THSD7B: variants seen among roughly 807,000 people sequenced by gnomAD.
THSD7B encodes thrombospondin type-1 domain-containing protein 7B.
THSD7B carries 138 observed loss-of-function variants against 213.6 expected under a neutral mutation model. That is an observed-to-expected ratio of 0.65 (90% CI 0.56 to 0.74). THSD7B has a LOEUF of 0.74. Ranked by LOEUF, THSD7B falls within the 30% of genes least tolerant of loss-of-function variation. The pLI, the probability that THSD7B is intolerant of heterozygous loss-of-function variation, is 0.00. For missense variants in THSD7B, 1,931 were observed against 1,991.5 expected (o/e 0.97, Z 0.58); for synonymous variants, 742 against 687.0 (o/e 1.08, Z -1.25).
chr2:136,918,419 C>T (rs1684380429), intron 2 of THSD7B, among the ~76,000 whole-genome samples: 1 of 152,198 alleles, frequency 6.6e-6, no homozygotes, highest in Non-Finnish European at 1.5e-5. Context: ...CTTGTTGAAT[C>T]ACCTTGCCAA....
chr2:137,331,661 G>A (rs187435745), intron 12 of THSD7B, among the ~76,000 whole-genome samples: 17 of 152,296 alleles, frequency 1.1e-4, no homozygotes, highest in Admixed American at 3.9e-4. Context: ...AGCAGGGGGC[G>A]GTGCTCATCG....
chr2:136,869,096 T>C (rs1487156775), intron 1 of THSD7B, among the ~76,000 whole-genome samples: 1 of 152,206 alleles, frequency 6.6e-6, no homozygotes, highest in Non-Finnish European at 1.5e-5. Flanking sequence ...TTTTATAATT[T>C]GTAAAAAAAG....
intron 7 of THSD7B, among the ~76,000 whole-genome samples, chr2:137,177,371 T>C (rs1405900364): frequency 2.6e-5 from 4 of 152,260 alleles, no homozygotes; most frequent in African/African-American, 9.6e-5. Flanking sequence ...TTGGAATAGT[T>C]CTGAAAAAGA....
chr2:137,498,485 G>C (rs1476853699), intron 15 of THSD7B, among the ~76,000 whole-genome samples: 2 of 152,086 alleles, frequency 1.3e-5, no homozygotes, highest in Non-Finnish European at 1.5e-5. Context: ...GATTTTATAT[G>C]TCTTCTTAAA....
At chr2:137,052,450 T>A (rs1049748310) in intron 2 of THSD7B, among the ~76,000 whole-genome samples, 1 of 152,132 alleles carries the variant, frequency 6.6e-6, no homozygotes, top group African/African-American at 2.4e-5. Context: ...TGGTGTCTGT[T>A]TTTTTCACTA....
At chr2:136,978,597 A>G (rs1006844363) in intron 2 of THSD7B, among the ~76,000 whole-genome samples, 11 of 152,164 alleles carry the variant, frequency 7.2e-5, no homozygotes, top group Non-Finnish European at 5.9e-5. Context: ...TTCAGAAACT[A>G]GGATTGCAAC....
chr2:137,652,340 G>A (rs1471324017), intron 21 of THSD7B, among the ~76,000 whole-genome samples: 1 of 152,012 alleles, frequency 6.6e-6, no homozygotes, highest in African/African-American at 2.4e-5. Context: ...CTGATTTGTA[G>A]ACTATTTTAG....
At chr2:136,846,190 A>G (rs1390301986) in intron 1 of THSD7B, among the ~76,000 whole-genome samples, 2 of 152,146 alleles carry the variant, frequency 1.3e-5, no homozygotes, top group Non-Finnish European at 2.9e-5. Context: ...GGCAACATCC[A>G]CAGCAATTTG....
rs117060977 is a variant in THSD7B at position 136,995,235 on chromosome 2, G to C, written c.140-61185G>C. ...GAAGGTGGGAGTTGATGTATGCAGT[G>C]GATGTTAAATATGATTTGCACCCAA... On this transcript the variant is annotated intron_variant, in intron 2 of 27. Transcript: ENST00000409968. Among the ~76,000 whole-genome samples the C allele has an allele frequency of 1.4e-3, 217 of 152,242 alleles. 2 individuals are homozygous for C. The East Asian group carries it at 0.039, about 27-fold the overall frequency.
In THSD7B at chr2:137,291,695, T is replaced by C. The variant is rs1353583515; in HGVS notation, c.2500+15669T>C. 2.0e-5 allele frequency among the ~76,000 whole-genome samples: 3 copies of C among 152,158 alleles called. No individual in the cohort carries two copies. The East Asian group carries it at 5.8e-4, about 29-fold the overall frequency. On this transcript the variant is annotated intron_variant, in intron 12 of 27. Coordinates refer to ENST00000409968, the MANE Select transcript of THSD7B (RefSeq NM_001316349.2). ...CTAGAGAGTAGAGGCTCTATCAGCT[T>C]TACTGTATAGTGTGCATATTTTACA...
At chr2:136,970,820 C>T (rs889968679) in intron 2 of THSD7B, among the ~76,000 whole-genome samples, 1 of 152,090 alleles carries the variant, frequency 6.6e-6, no homozygotes, top group Non-Finnish European at 1.5e-5. Context: ...GTGAAAAATG[C>T]ACCTTATTTA....
chr2:137,089,648 G>A lies in THSD7B; in HGVS notation c.951-5225G>A, dbSNP rs138477705. Among the ~76,000 whole-genome samples, 368 of 151,988 alleles carry A rather than the reference G, an allele frequency of 2.4e-3. 4 individuals are homozygous for A. The highest frequency in any genetic ancestry group is 8.1e-3 in the African/African-American group (336 of 41,446). ...CATAAGAATGACACAAAGGATTTTG[G>A]GGACTCAGTGGGAAAGGGTGGGAAG... On this transcript the variant is annotated intron_variant, in intron 3 of 27. Coordinates refer to ENST00000409968, the MANE Select transcript of THSD7B (RefSeq NM_001316349.2).
rs146246462 is a variant in THSD7B, at chr2:137,015,814, C to G, written c.140-40606C>G. 2.6e-5 allele frequency among the ~76,000 whole-genome samples: 4 copies of G among 152,256 alleles called. No homozygotes were observed. The East Asian group carries it at 7.8e-4, about 30-fold the overall frequency. On this transcript the variant is annotated intron_variant, in intron 2 of 27. Coordinates refer to ENST00000409968, the MANE Select transcript of THSD7B (RefSeq NM_001316349.2). ...TGTAAACATCAGCCACTCTATTTCTCTCTCAGAAGTGGACTTTGATGTCTT... is the reference window on the plus strand; with the variant it reads ...TGTAAACATCAGCCACTCTATTTCTGTCTCAGAAGTGGACTTTGATGTCTT...
chr2:137,478,420 G>GT (rs1221814408), intron 15 of THSD7B, among the ~76,000 whole-genome samples: 3 of 151,976 alleles, frequency 2.0e-5, no homozygotes, highest in South Asian at 2.1e-4. Flanking sequence ...ATTTCTGTGT[G>GT]TTTTTTTGTT....
At chr2:137,338,518 C>T (rs142911175) in intron 12 of THSD7B, among the ~76,000 whole-genome samples, 9 of 152,038 alleles carry the variant, frequency 5.9e-5, no homozygotes, top group East Asian at 1.9e-4. Context: ...GATTTACATC[C>T]GTTTAATTTT....
intron 15 of THSD7B, among the ~76,000 whole-genome samples, chr2:137,504,259 TGAA>T (rs1679783460): frequency 6.6e-6 from 1 of 152,152 alleles, no homozygotes. Context: ...TATAGGTTAT[TGAA>T]GAAATTAATG....
rs1387605062 is a variant in THSD7B, at chr2:137,594,063, A to G, written c.3423+21507A>G. Among the ~76,000 whole-genome samples the G allele has an allele frequency of 5.9e-5, 9 of 152,038 alleles. 1 individual carries two copies. The highest frequency in any genetic ancestry group is 5.3e-4 in the Admixed American group (8 of 15,226). Reference sequence around the variant, plus strand: ...TGTTCCAAAAAGAAACCAATAAGGTATAGAGGGGAAGCAGAACTGAAAAGG... The same window carrying G: ...TGTTCCAAAAAGAAACCAATAAGGTGTAGAGGGGAAGCAGAACTGAAAAGG... On this transcript the variant is annotated intron_variant, in intron 17 of 27. Coordinates refer to ENST00000409968, the MANE Select transcript of THSD7B (RefSeq NM_001316349.2).
intron 14 of THSD7B, among the ~76,000 whole-genome samples, chr2:137,446,142 A>G (rs759882455): frequency 6.6e-6 from 1 of 152,028 alleles, no homozygotes; most frequent in Admixed American, 6.6e-5. Flanking sequence ...GCAGGAAAAT[A>G]TAAGTAAATT....
chr2:136,873,996 CTT>C (rs1558834094), intron 1 of THSD7B, among the ~76,000 whole-genome samples: 1 of 152,124 alleles, frequency 6.6e-6, no homozygotes, highest in Non-Finnish European at 1.5e-5. Flanking sequence ...GGATCAATCT[CTT>C]TTGCATCTAA....
Sources: allele counts gnomAD v4.1 joint callset (sites outside exome capture counted in the v4.1 genomes callset), GRCh38; gene constraint gnomAD v4.1.1; transcripts MANE v1.5; gene names NCBI Gene and HGNC (gene_info 2026-07-23, HGNC 2026-07-21).